Variants in KIAA1549L observed in about 807,000 individuals in gnomAD.
The protein encoded by KIAA1549L is KIAA1549 like.
Under a neutral mutation model 160.7 loss-of-function variants are expected in KIAA1549L, and 88 were observed. That is an observed-to-expected ratio of 0.55 (90% confidence interval 0.46 to 0.65). KIAA1549L has a LOEUF of 0.65. KIAA1549L is among the 30% of genes least tolerant of loss of function. KIAA1549L has a pLI of 0.00. For synonymous variants in KIAA1549L, 950 were observed against 976.7 expected (o/e 0.97, Z 0.51); for missense variants, 2,258 against 2,437.5 (o/e 0.93, Z 1.55).
At chr11:33,591,482 A>G in intron 12 of KIAA1549L, 61 bp downstream of exon 12, 1 of 1,326,152 alleles carries the variant, frequency 7.5e-7, no homozygotes, top group Non-Finnish European at 1.0e-6. Context: ...ATGATGAGAA[A>G]AGCTGATGCC....
intron 16 of KIAA1549L, among the ~76,000 whole-genome samples, chr11:33,629,894 C>G (rs1322559533): frequency 1.5e-5 from 1 of 65,446 alleles, no homozygotes; most frequent in Non-Finnish European, 2.6e-5. Context: ...TTTTTCTGCT[C>G]TGTTTTTCCC....
intron 1 of KIAA1549L, among the ~76,000 whole-genome samples, chr11:33,480,235 C>T (rs1412217563): frequency 1.3e-5 from 2 of 152,050 alleles, no homozygotes; most frequent in African/African-American, 2.4e-5. Context: ...CTCCTTTTTC[C>T]TCCAACTCTC....
intron 1 of KIAA1549L, among the ~76,000 whole-genome samples, chr11:33,437,648 C>T (rs1239352742): frequency 6.6e-6 from 1 of 152,212 alleles, no homozygotes; most frequent in African/African-American, 2.4e-5. Flanking sequence ...TGATAAATAG[C>T]AGCTGTTACA....
At chr11:33,439,328 A>G (rs898416837) in intron 1 of KIAA1549L, among the ~76,000 whole-genome samples, 3 of 152,178 alleles carry the variant, frequency 2.0e-5, no homozygotes, top group African/African-American at 7.2e-5. Flanking sequence ...TGTTACATGC[A>G]TAGGATATAT....
intron 1 of KIAA1549L, among the ~76,000 whole-genome samples, chr11:33,501,148 G>A (rs1374326145): frequency 2.6e-5 from 4 of 152,192 alleles, no homozygotes; most frequent in African/African-American, 4.8e-5. Flanking sequence ...GGGCAAAGGC[G>A]ACTGAAGCTA....
chr11:33,386,478 C>T (rs184318403), intron 1 of KIAA1549L, among the ~76,000 whole-genome samples: 325 of 151,974 alleles, frequency 2.1e-3, no homozygotes, highest in Non-Finnish European at 3.7e-3. Flanking sequence ...GTCAGAAGTT[C>T]GAAACCAGCC....
intron 1 of KIAA1549L, among the ~76,000 whole-genome samples, chr11:33,481,263 CTATT>C (rs71867306): frequency 0.019 from 2,829 of 152,176 alleles, 76 homozygotes; most frequent in African/African-American, 0.062. Flanking sequence ...TTTGATATTA[CTATT>C]TATTTATTTC....
intron 16 of KIAA1549L, among the ~76,000 whole-genome samples, chr11:33,628,925 G>A (rs10768012): frequency 0.31 from 46,654 of 151,238 alleles, 7,456 homozygotes; most frequent in Middle Eastern, 0.39. Flanking sequence ...GGCTGGTACC[G>A]GTTGTTCCTT....
At chr11:33,574,181 A>G (rs1482154510) in intron 9 of KIAA1549L, among the ~76,000 whole-genome samples, 2 of 150,704 alleles carry the variant, frequency 1.3e-5, no homozygotes, top group East Asian at 2.0e-4. Context: ...AAATTTTCCT[A>G]TAGTGAATAT....
chr11:33,545,528 T>C, intron 3 of KIAA1549L, 150 bp downstream of exon 3: 2 of 959,154 alleles, frequency 2.1e-6, no homozygotes, highest in Admixed American at 5.7e-5. Context: ...CATTTTTGGT[T>C]GTTATGCTTG....
At position 33,516,398 on chromosome 11, in the gene KIAA1549L, G is replaced by T. The variant is rs1425015123; in HGVS notation, c.239-25404G>T. Reference sequence around the variant, plus strand: ...GATCTCCTGACCTCGTGATCCGCCCGCCTCGGCCTCCCAAAGTGCTGGGAT... The same window carrying T: ...GATCTCCTGACCTCGTGATCCGCCCTCCTCGGCCTCCCAAAGTGCTGGGAT... On this transcript the variant is annotated intron_variant, in intron 1 of 20. Transcript: ENST00000658780. 1.3e-4 allele frequency among the ~76,000 whole-genome samples: 2 copies of T among 15,406 alleles called. 1 individual carries two copies. Among genetic ancestry groups the T allele is most frequent in the Non-Finnish European group, 2.2e-4 (2 of 9,262 alleles). The allele number at this position is 15,406 out of a possible 152,430, so 10.1% of individuals were successfully genotyped here. A position where few individuals can be genotyped will look rare whatever the true frequency, so the allele number is the denominator to read the frequency against.
Position 33,668,024 on chromosome 11 carries a change from G to A in KIAA1549L, c.6311G>A (p.Ser2104Asn), listed in dbSNP as rs1852538852. ...CCCTCCACAGCGGCCTCGCAGCAGA[G>A]CCTGGCAGAAAACGACCCGTCTGAC... ...PAPSTAASQQ[S>N]LAENDPSDAP... The change falls in exon 21 of 21, where the codon AGC (serine) becomes AAC (asparagine). Residue 2104 changes from serine (S) to asparagine (N), a missense_variant. By Grantham distance (46) the Ser-to-Asn change is conservative. Coordinates refer to ENST00000658780, the MANE Select transcript of KIAA1549L (RefSeq NM_012194.3). The A allele has an allele frequency of 1.2e-6, 2 of 1,614,004 alleles. No homozygotes were observed. The highest frequency in any genetic ancestry group is 1.7e-5 in the Admixed American group (1 of 60,034).
intron 12 of KIAA1549L, among the ~76,000 whole-genome samples, chr11:33,594,939 A>T (rs536693556): frequency 6.6e-6 from 1 of 152,342 alleles, no homozygotes; most frequent in East Asian, 1.9e-4. Flanking sequence ...CTTATTTATC[A>T]CCTATTTAGA....
At chr11:33,498,010 C>T (rs964308391) in intron 1 of KIAA1549L, among the ~76,000 whole-genome samples, 1 of 152,038 alleles carries the variant, frequency 6.6e-6, no homozygotes, top group Non-Finnish European at 1.5e-5. Flanking sequence ...TAGTAGTGGC[C>T]GGGCATGGTG....
rs142627001 is a variant in KIAA1549L, at chr11:33,476,533, T to G, written c.239-65269T>G. Among the ~76,000 whole-genome samples the G allele has an allele frequency of 3.9e-5, 6 of 152,332 alleles. No homozygotes were observed. In the East Asian group the frequency reaches 1.2e-3, roughly 29 times the overall value. ...CTTAAAACTCTTCAAAGGATTCCCA[T>G]TGTACTTAAAGTCTGAACTCCATAC... On this transcript the variant is annotated intron_variant, in intron 1 of 20. Transcript: ENST00000658780.
intron 16 of KIAA1549L, among the ~76,000 whole-genome samples, chr11:33,638,136 A>C (rs1851485755): frequency 6.6e-6 from 1 of 152,216 alleles, no homozygotes; most frequent in Non-Finnish European, 1.5e-5. Flanking sequence ...GTAAAAATGT[A>C]CAGGTTGTTA....
Position 33,564,728 on chromosome 11 carries a change from T to G in KIAA1549L, c.4078+2993T>G, listed in dbSNP as rs547487975. ...TTCTGGTCTCAGCTCTGCCATTTTC[T>G]AACCTAGTGTGTCCTTGAGCAAGCC... On this transcript the variant is annotated intron_variant, in intron 8 of 20. Coordinates refer to ENST00000658780, the MANE Select transcript of KIAA1549L (RefSeq NM_012194.3). Among the ~76,000 whole-genome samples the G allele has an allele frequency of 3.3e-5, 5 of 152,150 alleles. No homozygotes were observed. In the South Asian group the frequency reaches 1.0e-3, roughly 32 times the overall value.
At chr11:33,522,837 T>C (rs12286387) in intron 1 of KIAA1549L, among the ~76,000 whole-genome samples, 31,784 of 151,640 alleles carry the variant, frequency 0.21, 3,504 homozygotes, top group East Asian at 0.34. Flanking sequence ...AGTTCAAGGC[T>C]GCAATGAGCT....
intron 1 of KIAA1549L, among the ~76,000 whole-genome samples, chr11:33,522,255 A>AT (rs974775371): frequency 2.2e-4 from 34 of 152,178 alleles, no homozygotes; most frequent in African/African-American, 8.2e-4. Context: ...TTGGGCTGTA[A>AT]TTTGTTTTTA....
Sources: gnomAD v4.1 joint callset for allele counts (sites outside exome capture counted in the v4.1 genomes callset) on GRCh38, gnomAD v4.1.1 for gene constraint, MANE v1.5 for transcripts, NCBI Gene and HGNC (gene_info 2026-07-23, HGNC 2026-07-21) for gene names.